ASB18: variants seen among roughly 807,000 people sequenced by gnomAD.
ASB18 encodes the protein ankyrin repeat and SOCS box protein 18.
Under a neutral mutation model 33.4 loss-of-function variants are expected in ASB18, and 33 were observed. The observed-to-expected ratio is 0.99, with a 90% CI of 0.75 to 1.32. The LOEUF is 1.32. Among genes scored for constraint, ASB18 ranks in the 40% most tolerant of loss-of-function variants. The pLI is 0.00. For missense variants in ASB18, 694 were observed against 655.5 expected (o/e 1.06, Z -0.64); for synonymous variants, 295 against 307.6 (o/e 0.96, Z 0.43).
chr2:236,243,487 G>A (rs2060631536), intron 1 of ASB18, among the ~76,000 whole-genome samples: 1 of 152,114 alleles, frequency 6.6e-6, no homozygotes, highest in African/African-American at 2.4e-5. Flanking sequence ...GCCACCCTGA[G>A]GATGTGTGAA....
Position 236,252,576 on chromosome 2 carries a change from C to T in ASB18, c.206-11174G>A, listed in dbSNP as rs529229790. 7.9e-5 allele frequency among the ~76,000 whole-genome samples: 12 copies of T among 152,186 alleles called. No individual in the cohort carries two copies. Among genetic ancestry groups the T allele is most frequent in the East Asian group, 3.9e-4 (2 of 5,172 alleles). ...GTTTTCTCCTCTTGATCTATTGTTG[C>T]GGGGAGCTATACCCTATGTTCTGGC... On this transcript the variant is annotated intron_variant, in intron 1 of 5. Transcript: ENST00000409749. This position sits in a 1 kb window ranked among gnomAD's most constrained non-coding sequence, Gnocchi z 7.9.
Position 236,214,653 on chromosome 2 carries a change from C to A in ASB18, c.810G>T (p.Gly270=). 8.6e-7 allele frequency: 1 copy of A among 1,156,908 alleles called. No individual in the cohort carries two copies. The highest frequency in any genetic ancestry group is 1.1e-6 in the Non-Finnish European group (1 of 941,464). The allele number at this position is 1,156,908 out of a possible 1,614,324, so 71.7% of individuals were successfully genotyped here. ...CGAARRPDEH[G]RCLRLCALLL... is the part of the protein sequence containing the mutation. The stretch of plus-strand genomic sequence containing the variant: ...GCAGCGCGCACAGGCGCAGGCAGCG[C>A]CCGTGCTCGTCGGGCCTCCGCGCCG... Residue 270 remains glycine, a synonymous_variant, in exon 4 of 6, where the codon GGG becomes GGT. Transcript: ENST00000409749. This position sits in a 1 kb window ranked among gnomAD's most constrained non-coding sequence, Gnocchi z 6.5.
chr2:236,258,048 T>C (rs1210112516), intron 1 of ASB18, among the ~76,000 whole-genome samples: 2 of 152,232 alleles, frequency 1.3e-5, no homozygotes, highest in African/African-American at 4.8e-5. Flanking sequence ...TTATTCTTCC[T>C]AAGCCTTGAG....
chr2:236,258,463 A>G (rs2060703375), intron 1 of ASB18, among the ~76,000 whole-genome samples: 1 of 152,168 alleles, frequency 6.6e-6, no homozygotes, highest in African/African-American at 2.4e-5. Context: ...TGCCCTTCCC[A>G]TTACACCACA....
rs1274168465 is a variant in ASB18 at position 236,260,246 on chromosome 2, C to G, written c.205+3895G>C. 3.9e-5 allele frequency among the ~76,000 whole-genome samples: 6 copies of G among 152,310 alleles called. No homozygotes were observed. Among genetic ancestry groups the G allele is most frequent in the Admixed American group, 1.3e-4 (2 of 15,300 alleles). ...TCTTCCCTCTTCTTTCCCCCAGGTA[C>G]TTTTGCCAACATGACCCTCGACTCT... On this transcript the variant is annotated intron_variant, in intron 1 of 5. Coordinates refer to ENST00000409749, the MANE Select transcript of ASB18 (RefSeq NM_212556.4). This position sits in a 1 kb window ranked among gnomAD's most constrained non-coding sequence, Gnocchi z 5.1.
Position 236,194,957 on chromosome 2 carries a change from C to G in ASB18, c.1316G>C (p.Arg439Thr), listed in dbSNP as rs774046311. 5.0e-6 allele frequency: 8 copies of G among 1,613,764 alleles called. No homozygotes were observed. The South Asian group carries it at 6.6e-5, about 13-fold the overall frequency. Reference protein sequence around the residue: ...RCALRRLFGKRCFDLIPLLPL... With the variant: ...RCALRRLFGKTCFDLIPLLPL... ...TAACAGGGGGATGAGGTCAAAGCAC[C>G]TTTTGCCAAACAGTCTGCGAAGAGC... The change falls in exon 6 of 6, where the codon AGG becomes ACG. Residue 439 changes from arginine to threonine, a missense_variant. By Grantham distance (71) the Arg-to-Thr change is moderately conservative. Transcript: ENST00000409749. This position sits in a 1 kb window ranked among gnomAD's most constrained non-coding sequence, Gnocchi z 4.5.
Position 236,196,966 on chromosome 2 carries a change from G to A in ASB18, c.1102-581C>T, listed in dbSNP as rs1483899718. ...TCCATTAGCTTCACCATAAAGATGG[G>A]AACACTATTTGCTTTTAAAAAATAA... On this transcript the variant is annotated intron_variant, in intron 4 of 5. Transcript: ENST00000409749. The surrounding 1 kb of genome is among the most constrained non-coding windows in gnomAD (Gnocchi z 5.6). Among the ~76,000 whole-genome samples, 1 of 152,134 alleles carries A rather than the reference G, an allele frequency of 6.6e-6. No individual in the cohort carries two copies. Among genetic ancestry groups the A allele is most frequent in the African/African-American group, 2.4e-5 (1 of 41,428 alleles).
chr2:236,218,763 A>C (rs1197481413), intron 3 of ASB18, among the ~76,000 whole-genome samples: 1 of 142,892 alleles, frequency 7.0e-6, no homozygotes, highest in East Asian at 2.0e-4. Context: ...ACACCACTGC[A>C]CTCTAGCCTG....
chr2:236,199,068 G>C (rs942334209), intron 4 of ASB18, among the ~76,000 whole-genome samples: 56 of 152,098 alleles, frequency 3.7e-4, no homozygotes, highest in African/African-American at 1.3e-3. Context: ...TTACTACAAA[G>C]TTTAAGATGT....
At chr2:236,224,062 T>C (rs76318719) in intron 3 of ASB18, among the ~76,000 whole-genome samples, 6,469 of 152,186 alleles carry the variant, frequency 0.043, 468 homozygotes, top group African/African-American at 0.15. Context: ...GAATTACTGG[T>C]AGGTATGTAT....
In ASB18 at chr2:236,196,833, G is replaced by GA. The variant is rs1475608095; in HGVS notation, c.1102-449dup. Among the ~76,000 whole-genome samples the GA allele has an allele frequency of 6.6e-6, 1 of 152,176 alleles. No homozygotes were observed. Among genetic ancestry groups the GA allele is most frequent in the Non-Finnish European group, 1.5e-5 (1 of 68,034 alleles). On this transcript the variant is annotated intron_variant, in intron 4 of 5. Coordinates refer to ENST00000409749, the MANE Select transcript of ASB18 (RefSeq NM_212556.4). This position sits in a 1 kb window ranked among gnomAD's most constrained non-coding sequence, Gnocchi z 5.6. ...CAGGAAATTGAGAATTGGGGAAGAG[G>GA]AATTGTTTTGCTGTTGAATTTCCTC...
chr2:236,237,163 G>C lies in ASB18; in HGVS notation c.596+526C>G, dbSNP rs1222922553. 3.3e-5 allele frequency among the ~76,000 whole-genome samples: 5 copies of C among 152,166 alleles called. No individual in the cohort carries two copies. The highest frequency in any genetic ancestry group is 6.5e-5 in the Admixed American group (1 of 15,288). The stretch of plus-strand genomic sequence containing the variant: ...AGGAGCTAACCATTTATGTCACACT[G>C]TGACAATTATTCTGCATAAAATTAT... On this transcript the variant is annotated intron_variant, in intron 3 of 5. Coordinates refer to ENST00000409749, the MANE Select transcript of ASB18 (RefSeq NM_212556.4). The surrounding 1 kb of genome is among the most constrained non-coding windows in gnomAD (Gnocchi z 6.2).
rs2060674600 is a variant in ASB18 at position 236,252,933 on chromosome 2, G to A, written c.205+11208C>T. 1.3e-5 allele frequency among the ~76,000 whole-genome samples: 2 copies of A among 152,236 alleles called. No homozygotes were observed. Among genetic ancestry groups the A allele is most frequent in the Admixed American group, 1.3e-4 (2 of 15,292 alleles). ...TCCCAACGTGGCCAGATCCAGTGAT[G>A]GATCCAGGTGCAGCTAGAGCTGTCC... is the stretch of plus-strand genomic sequence containing the variant. On this transcript the variant is annotated intron_variant, in intron 1 of 5. Transcript: ENST00000409749. This position sits in a 1 kb window ranked among gnomAD's most constrained non-coding sequence, Gnocchi z 7.9.
At position 236,223,606 on chromosome 2, in the gene ASB18, T is replaced by C. The variant is rs1397570024; in HGVS notation, c.597-8740A>G. ...TCTTAAGAGCACAATTGAATGAATTTCAACAAAGGAATATACCTATGTAAC... is the reference window on the plus strand; with the variant it reads ...TCTTAAGAGCACAATTGAATGAATTCCAACAAAGGAATATACCTATGTAAC... On this transcript the variant is annotated intron_variant, in intron 3 of 5. Transcript: ENST00000409749. This position sits in a 1 kb window ranked among gnomAD's most constrained non-coding sequence, Gnocchi z 4.6. Among the ~76,000 whole-genome samples the C allele has an allele frequency of 6.6e-6, 1 of 152,212 alleles. No homozygotes were observed. Among genetic ancestry groups the C allele is most frequent in the Non-Finnish European group, 1.5e-5 (1 of 68,046 alleles).
rs1416090704 is a variant in ASB18 at position 236,263,507 on chromosome 2, A to G, written c.205+634T>C. On this transcript the variant is annotated intron_variant, in intron 1 of 5. Coordinates refer to ENST00000409749, the MANE Select transcript of ASB18 (RefSeq NM_212556.4). The surrounding 1 kb of genome is among the most constrained non-coding windows in gnomAD (Gnocchi z 4.0). ...CACCTCACTGTCAGAGGGAACAGAA[A>G]CCCTTGCGGAAAACAATTTGGAACC... is the stretch of plus-strand genomic sequence containing the variant. Among the ~76,000 whole-genome samples the G allele has an allele frequency of 6.6e-6, 1 of 152,204 alleles. No individual in the cohort carries two copies.
In ASB18 at chr2:236,194,857, G is replaced by A. The variant is rs368367188; in HGVS notation, c.*15C>T. 26 of 1,607,310 alleles carry A rather than the reference G, an allele frequency of 1.6e-5. No individual in the cohort carries two copies. The South Asian group carries it at 2.5e-4, about 15-fold the overall frequency. On this transcript the variant is annotated 3_prime_UTR_variant, in exon 6 of 6. Transcript: ENST00000409749. The surrounding 1 kb of genome is among the most constrained non-coding windows in gnomAD (Gnocchi z 4.5). ...AGCGAGGAGAACAACAGTATTGGTT[G>A]CAGCGTTCTGCGTTTCAGTGCAAAA...
In ASB18 at chr2:236,245,488, G is replaced by T. The variant is rs998540384; in HGVS notation, c.206-4086C>A. ...GAGCATGCCACACCTTAGTATAGGG[G>T]TCTGCAGTCCCCAGATAGTGCCTTC... On this transcript the variant is annotated intron_variant, in intron 1 of 5. Transcript: ENST00000409749. This position sits in a 1 kb window ranked among gnomAD's most constrained non-coding sequence, Gnocchi z 4.7. Among the ~76,000 whole-genome samples the T allele has an allele frequency of 6.6e-6, 1 of 152,222 alleles. No individual in the cohort carries two copies. Among genetic ancestry groups the T allele is most frequent in the Non-Finnish European group, 1.5e-5 (1 of 68,042 alleles).
In ASB18 at chr2:236,208,117, G is replaced by A. The variant is rs931071691; in HGVS notation, c.1101+6245C>T. ...ATTATTTTTGTTCTCATCCATTACT[G>A]TCACTGAGTCAGGCTTGGCAGGCTT... is the stretch of plus-strand genomic sequence containing the variant. On this transcript the variant is annotated intron_variant, in intron 4 of 5. Transcript: ENST00000409749. The surrounding 1 kb of genome is among the most constrained non-coding windows in gnomAD (Gnocchi z 7.7). Among the ~76,000 whole-genome samples, 3 of 152,012 alleles carry A rather than the reference G, an allele frequency of 2.0e-5. No individual in the cohort carries two copies. Among genetic ancestry groups the A allele is most frequent in the Non-Finnish European group, 2.9e-5 (2 of 68,022 alleles).
At position 236,217,263 on chromosome 2, in the gene ASB18, C is replaced by T. The variant is rs766168512; in HGVS notation, c.597-2397G>A. On this transcript the variant is annotated intron_variant, in intron 3 of 5. Coordinates refer to ENST00000409749, the MANE Select transcript of ASB18 (RefSeq NM_212556.4). The surrounding 1 kb of genome is among the most constrained non-coding windows in gnomAD (Gnocchi z 5.2). ...TCTCTACTAAAAATATAAAATTAGC[C>T]GGGCATAGTGGTGGATGCATGTAAT... Among the ~76,000 whole-genome samples the T allele has an allele frequency of 5.9e-5, 9 of 151,978 alleles. No homozygotes were observed. The highest frequency in any genetic ancestry group is 2.1e-4 in the South Asian group (1 of 4,812).
Sources: allele counts gnomAD v4.1 joint callset (sites outside exome capture counted in the v4.1 genomes callset), GRCh38; gene constraint gnomAD v4.1.1; non-coding constraint Gnocchi (gnomAD v3.1); transcripts MANE v1.5; gene names NCBI Gene and HGNC (gene_info 2026-07-23, HGNC 2026-07-21).